The following KYNU variants were observed in gnomAD, a reference collection of about 807,000 sequenced individuals.
KYNU encodes the protein L-kynurenine hydrolase.
A neutral mutation model predicts 59.2 loss-of-function variants in KYNU; 54 were observed. The observed-to-expected ratio is 0.91, with a 90% CI of 0.73 to 1.14. The LOEUF (loss-of-function observed/expected upper bound fraction) is 1.14, where lower values mean the gene tolerates loss of function less well. Among genes scored for constraint, KYNU ranks in the 50% most tolerant of loss-of-function variants. The pLI is 0.00. For missense variants in KYNU, 567 were observed against 554.4 expected, an observed-to-expected ratio of 1.02 and a Z score of -0.23; for synonymous variants, 177 against 192.0, an observed-to-expected ratio of 0.92 and a Z score of 0.65.
At chr2:142,957,498 T>G in intron 6 of KYNU, 143 bp from the exon 7 acceptor site, 1 of 627,762 alleles carries the variant, frequency 1.6e-6, no homozygotes, top group Non-Finnish European at 2.9e-6. Context: ...TTCTTCTCTG[T>G]TGTGTATTTT....
At chr2:142,924,453 A>G (rs1682988247) in intron 3 of KYNU, among the ~76,000 whole-genome samples, 1 of 152,154 alleles carries the variant, frequency 6.6e-6, no homozygotes, top group African/African-American at 2.4e-5. Context: ...ATGGAAAAAA[A>G]ATTATAATGT....
intron 10 of KYNU, among the ~76,000 whole-genome samples, chr2:143,015,515 A>G (rs976143822): frequency 2.0e-5 from 3 of 152,154 alleles, no homozygotes; most frequent in Admixed American, 1.3e-4. Context: ...ATAATATATT[A>G]TCAGGTCAAG....
chr2:142,929,739 GAGTTA>G (rs1163481296), intron 4 of KYNU, among the ~76,000 whole-genome samples: 4 of 152,306 alleles, frequency 2.6e-5, no homozygotes, highest in South Asian at 4.1e-4. Flanking sequence ...TTTATTGAAA[GAGTTA>G]AGTTATTATC....
intron 2 of KYNU, among the ~76,000 whole-genome samples, chr2:142,897,559 A>T (rs1333969253): frequency 6.6e-6 from 1 of 152,270 alleles, no homozygotes; most frequent in African/African-American, 2.4e-5. Flanking sequence ...TCAAAGCACA[A>T]ATGAAACAAA....
rs1687288463 is a variant in KYNU, at chr2:143,052,838, G to GCAC, written c.*10671_*10673dup. On this transcript the variant is annotated 3_prime_UTR_variant, in exon 14 of 14. Transcript: ENST00000264170. ...GCCCCCATACAGAGTCCCTACTGAG[G>GCAC]CACCACCTAGTGGAGCTTTGAGAAG... is the stretch of plus-strand genomic sequence containing the variant. 6.6e-6 allele frequency: 1 copy of GCAC among 152,294 alleles called. No individual in the cohort carries two copies. The highest frequency in any genetic ancestry group is 2.4e-5 in the African/African-American group (1 of 41,464). The allele number at this position is 152,294 out of a possible 1,614,324, so 9.4% of individuals were successfully genotyped here. A position where few individuals can be genotyped will look rare whatever the true frequency, so the allele number is the denominator to read the frequency against.
intron 8 of KYNU, among the ~76,000 whole-genome samples, chr2:142,961,814 T>G (rs1684362033): frequency 6.6e-6 from 1 of 152,202 alleles, no homozygotes; most frequent in African/African-American, 2.4e-5. Flanking sequence ...GCACTTCTAT[T>G]TCATTCAGCA....
chr2:142,939,729 A>G (rs1192871243), intron 4 of KYNU, among the ~76,000 whole-genome samples: 3 of 152,178 alleles, frequency 2.0e-5, no homozygotes, highest in Non-Finnish European at 4.4e-5. Flanking sequence ...ACATATAGCA[A>G]CAGTTAAAAA....
At position 143,040,635 on chromosome 2, in the gene KYNU, G is replaced by A. The variant is rs1238970757; in HGVS notation, c.1249G>A (p.Glu417Lys). The A allele has an allele frequency of 3.7e-6, 6 of 1,602,412 alleles. No individual in the cohort carries two copies. In the Admixed American group the frequency reaches 6.9e-5, roughly 18 times the overall value. The change falls in exon 13 of 14, where the codon GAA (glutamate) becomes AAA (lysine). Residue 417 changes from glutamate to lysine, a missense_variant. Transcript: ENST00000264170. Reference protein sequence around the residue: ...FSVPNKDVFQELEKRGVVCDK... With the variant: ...FSVPNKDVFQKLEKRGVVCDK... ...TGTTCCAAACAAAGATGTTTTCCAA[G>A]AACTAGAAAAAAGAGGAGTGGTTGT...
chr2:142,883,286 C>T (rs13008592), intron 1 of KYNU, among the ~76,000 whole-genome samples: 11 of 145,344 alleles, frequency 7.6e-5, no homozygotes, highest in East Asian at 2.0e-4. Context: ...CTCCACCCCC[C>T]GGGGTTCACG....
rs1687117383 is a variant in KYNU at position 143,043,712 on chromosome 2, A to G, written c.*1540A>G. 1 of 147,980 alleles carries G rather than the reference A, an allele frequency of 6.8e-6. No individual in the cohort carries two copies. The highest frequency in any genetic ancestry group is 2.5e-5 in the African/African-American group (1 of 40,730). 9.2% of individuals were successfully genotyped at this position (147,980 alleles called of 1,614,324 possible). A position where few individuals can be genotyped will look rare whatever the true frequency, so the allele number is the denominator to read the frequency against. On this transcript the variant is annotated 3_prime_UTR_variant, in exon 14 of 14. Transcript: ENST00000264170. ...TTAAAACTCATGCATAAGTGGATTC[A>G]TATACATATATAAAAATATATATAA...
Position 142,914,530 on chromosome 2 carries a change from A to AT in KYNU, c.170-4073dup, listed in dbSNP as rs761671768. ...CTTTAGAGTGCTTCACAGATACTGC[A>AT]TTTTTTACAAATTAAAAGTTAGTGG... On this transcript the variant is annotated intron_variant, in intron 2 of 13. Transcript: ENST00000264170. Among the ~76,000 whole-genome samples the AT allele has an allele frequency of 2.1e-3, 320 of 152,248 alleles. 1 individual carries two copies. Among genetic ancestry groups the AT allele is most frequent in the Non-Finnish European group, 3.8e-3 (261 of 68,024 alleles).
In KYNU at chr2:143,042,578, A is replaced by G. The variant is rs1687085625; in HGVS notation, c.*406A>G. The G allele has an allele frequency of 6.0e-6, 1 of 165,552 alleles. No individual in the cohort carries two copies. The highest frequency in any genetic ancestry group is 2.8e-5 in the African/African-American group (1 of 35,604). 10.3% of individuals were successfully genotyped at this position (165,552 alleles called of 1,614,324 possible). On this transcript the variant is annotated 3_prime_UTR_variant, in exon 14 of 14. Transcript: ENST00000264170. ...CCAAGGAGTTTCTTTGAAGCATTGT[A>G]GTCTGATATATATATATATATATAT... is the stretch of plus-strand genomic sequence containing the variant.
intron 2 of KYNU, among the ~76,000 whole-genome samples, chr2:142,902,501 A>T (rs1371697464): frequency 6.6e-6 from 1 of 152,220 alleles, no homozygotes; most frequent in Non-Finnish European, 1.5e-5. Context: ...TATTTGGCAG[A>T]AGCCTGTTAT....
rs1285756656 is a variant in KYNU at position 143,054,481 on chromosome 2, T to G, written c.*12309T>G. On this transcript the variant is annotated 3_prime_UTR_variant, in exon 14 of 14. Coordinates refer to ENST00000264170, the MANE Select transcript of KYNU (RefSeq NM_003937.3). ...AAAGATAAAACATTAAAGGAAAAGTTAGTGAAAACTATTAATATATAGTGG... is the reference window on the plus strand; with the variant it reads ...AAAGATAAAACATTAAAGGAAAAGTGAGTGAAAACTATTAATATATAGTGG... 2.0e-5 allele frequency: 3 copies of G among 152,188 alleles called. No homozygotes were observed. The highest frequency in any genetic ancestry group is 7.2e-5 in the African/African-American group (3 of 41,446). The allele number at this position is 152,188 out of a possible 1,614,324, so 9.4% of individuals were successfully genotyped here. A position where few individuals can be genotyped will look rare whatever the true frequency, so the allele number is the denominator to read the frequency against.
chr2:143,031,266 CA>C (rs1686729252), intron 11 of KYNU, among the ~76,000 whole-genome samples: 2 of 152,084 alleles, frequency 1.3e-5, no homozygotes, highest in Admixed American at 6.5e-5. Context: ...TGAATTTGAT[CA>C]GGGGTAGCAA....
chr2:142,931,201 T>C (rs528869984), intron 4 of KYNU, among the ~76,000 whole-genome samples: 31 of 152,312 alleles, frequency 2.0e-4, no homozygotes, highest in Admixed American at 6.5e-4. Flanking sequence ...GAAGGAGTTA[T>C]TCATCTCCTT....
At chr2:142,904,639 G>A (rs1366280698) in intron 2 of KYNU, among the ~76,000 whole-genome samples, 4 of 152,260 alleles carry the variant, frequency 2.6e-5, no homozygotes, top group East Asian at 1.9e-4. Context: ...AGTCTGACAG[G>A]GAAAAAGGTA....
intron 4 of KYNU, among the ~76,000 whole-genome samples, chr2:142,928,317 A>G (rs935755178): frequency 1.3e-5 from 2 of 152,206 alleles, no homozygotes; most frequent in Non-Finnish European, 2.9e-5. Context: ...CATTTTGAAA[A>G]AATTTATTTA....
chr2:143,055,498 C>G lies in KYNU; in HGVS notation c.*13326C>G, dbSNP rs537223299. 3.3e-5 allele frequency: 5 copies of G among 152,238 alleles called. No homozygotes were observed. Among genetic ancestry groups the G allele is most frequent in the Admixed American group, 2.6e-4 (4 of 15,288 alleles). 9.4% of individuals were successfully genotyped at this position (152,238 alleles called of 1,614,324 possible). The stretch of plus-strand genomic sequence containing the variant: ...AACTGGACAATCAAGGATTATCTCC[C>G]TATGTTAAGGTCAATTGATTAGTGA... On this transcript the variant is annotated 3_prime_UTR_variant, in exon 14 of 14. Transcript: ENST00000264170.
Sources: gnomAD v4.1 joint callset for allele counts (sites outside exome capture counted in the v4.1 genomes callset) on GRCh38, gnomAD v4.1.1 for gene constraint, MANE v1.5 for transcripts, NCBI Gene and HGNC (gene_info 2026-07-23, HGNC 2026-07-21) for gene names.